VPS13B: variants seen among roughly 807,000 people sequenced by gnomAD.
The protein encoded by VPS13B is intermembrane lipid transfer protein VPS13B.
VPS13B carries 285 observed loss-of-function variants against 426.4 expected under a neutral mutation model. The ratio of observed to expected loss-of-function variants is 0.67; its 90% CI spans 0.61 to 0.74. VPS13B has a LOEUF of 0.74. VPS13B is among the 30% of genes least tolerant of loss of function. The pLI, the probability that VPS13B is intolerant of heterozygous loss-of-function variation, is 0.00. For missense variants in VPS13B, 4,537 were observed against 4,782.6 expected, an observed-to-expected ratio of 0.95 and a Z score of 1.51; for synonymous variants, 1,676 against 1,676.4, an observed-to-expected ratio of 1.00 and a Z score of 0.01.
chr8:99,475,821 G>T (rs1819660876), intron 24 of VPS13B, among the ~76,000 whole-genome samples: 1 of 152,148 alleles, frequency 6.6e-6, no homozygotes, highest in African/African-American at 2.4e-5. Context: ...TTCTCCTGAT[G>T]CCAAGAACCT....
At chr8:99,319,669 A>G (rs1165647685) in intron 19 of VPS13B, among the ~76,000 whole-genome samples, 2 of 152,286 alleles carry the variant, frequency 1.3e-5, no homozygotes, top group Middle Eastern at 3.4e-3. Context: ...TGCAACTTTC[A>G]TATAGAATTG....
intron 39 of VPS13B, among the ~76,000 whole-genome samples, chr8:99,756,050 A>G (rs1317960131): frequency 6.6e-6 from 1 of 152,130 alleles, no homozygotes; most frequent in Non-Finnish European, 1.5e-5. Flanking sequence ...ACTTGAAATC[A>G]CCTGTTTTAA....
At chr8:99,563,430 C>A (rs917905206) in intron 31 of VPS13B, among the ~76,000 whole-genome samples, 4 of 152,088 alleles carry the variant, frequency 2.6e-5, no homozygotes, top group Non-Finnish European at 4.4e-5. Context: ...ATTCCATATA[C>A]ATAGGAGATC....
intron 2 of VPS13B, among the ~76,000 whole-genome samples, chr8:99,027,629 C>G (rs1249499336): frequency 6.6e-6 from 1 of 152,002 alleles, no homozygotes; most frequent in Non-Finnish European, 1.5e-5. Flanking sequence ...ATATGGTAAT[C>G]TTGGCTCACA....
chr8:99,510,113 G>A (rs183757947), intron 28 of VPS13B, among the ~76,000 whole-genome samples: 19 of 152,232 alleles, frequency 1.2e-4, no homozygotes, highest in African/African-American at 3.1e-4. Flanking sequence ...TAAAAAATGC[G>A]TTAGCTATTG....
At chr8:99,090,938 T>C (rs1433185990) in intron 3 of VPS13B, among the ~76,000 whole-genome samples, 1 of 151,978 alleles carries the variant, frequency 6.6e-6, no homozygotes, top group Non-Finnish European at 1.5e-5. Context: ...AATTCTGTGG[T>C]TTAAAAAAAG....
rs1192751134 is a variant in VPS13B at position 99,147,928 on chromosome 8, C to T, written c.1931C>T (p.Thr644Ile). 4 of 1,613,648 alleles carry T rather than the reference C, an allele frequency of 2.5e-6. No individual in the cohort carries two copies. Among genetic ancestry groups the T allele is most frequent in the Non-Finnish European group, 3.4e-6 (4 of 1,179,842 alleles). ...ATTCCTACTCGACATACAAGTGTTA[C>T]TCTCCTCAAATGTACCTGCACAATT... Reference protein sequence around the residue: ...EYIPTRHTSVTLLKCTCTISM... With the variant: ...EYIPTRHTSVILLKCTCTISM... Residue 644 changes from threonine to isoleucine, a missense_variant, in exon 14 of 62, where the codon ACT (threonine) becomes ATT (isoleucine). Around this residue, in one of 2 missense-constraint regions of VPS13B, gnomAD observed 4,311 missense variants for 4,474.3 expected, o/e 0.96. Transcript: ENST00000357162.
chr8:99,599,784 A>G (rs966329350), intron 33 of VPS13B, among the ~76,000 whole-genome samples: 1 of 152,134 alleles, frequency 6.6e-6, no homozygotes, highest in Non-Finnish European at 1.5e-5. Flanking sequence ...AAAAATAAAC[A>G]CCATGGCTTA....
intron 17 of VPS13B, among the ~76,000 whole-genome samples, chr8:99,225,475 A>G (rs934410804): frequency 6.6e-5 from 10 of 152,002 alleles, no homozygotes; most frequent in Non-Finnish European, 1.5e-5. Flanking sequence ...ATGGGGTTTC[A>G]CCGTGTTAGC....
chr8:99,858,214 C>A (rs1206979533), intron 56 of VPS13B, among the ~76,000 whole-genome samples: 1 of 152,226 alleles, frequency 6.6e-6, no homozygotes. Flanking sequence ...TCTTTTCAGA[C>A]TCCTCCTCTC....
intron 19 of VPS13B, among the ~76,000 whole-genome samples, chr8:99,314,328 T>C (rs1821188590): frequency 6.6e-6 from 1 of 152,120 alleles, no homozygotes; most frequent in African/African-American, 2.4e-5. Context: ...AGACTTGTTT[T>C]GTGTCATAAC....
At chr8:99,753,015 C>G (rs1463717934) in intron 39 of VPS13B, among the ~76,000 whole-genome samples, 1 of 152,080 alleles carries the variant, frequency 6.6e-6, no homozygotes, top group Admixed American at 6.6e-5. Context: ...GGCTTTGCAA[C>G]TAATTATCAT....
intron 39 of VPS13B, among the ~76,000 whole-genome samples, chr8:99,729,904 AGC>A (rs1833519722): frequency 1.3e-5 from 2 of 152,254 alleles, no homozygotes; most frequent in Non-Finnish European, 2.9e-5. Flanking sequence ...TGACTTTACA[AGC>A]TTCCCGTAAT....
intron 5 of VPS13B, among the ~76,000 whole-genome samples, chr8:99,103,586 C>T: frequency 6.6e-6 from 1 of 150,920 alleles, no homozygotes; most frequent in Non-Finnish European, 1.5e-5. Context: ...GCAAGTTCCA[C>T]CTCCCCGGGT....
At chr8:99,554,889 C>T (rs1824474065) in intron 30 of VPS13B, among the ~76,000 whole-genome samples, 2 of 152,068 alleles carry the variant, frequency 1.3e-5, no homozygotes, top group African/African-American at 2.4e-5. Flanking sequence ...CTTATGAGCC[C>T]TATTTCTCAT....
At chr8:99,201,890 A>G (rs1207505126) in intron 17 of VPS13B, among the ~76,000 whole-genome samples, 2 of 152,208 alleles carry the variant, frequency 1.3e-5, no homozygotes, top group African/African-American at 4.8e-5. Context: ...ATATGACTAA[A>G]TAAAGGTCAG....
chr8:99,816,167 A>G (rs1461253407), intron 44 of VPS13B, among the ~76,000 whole-genome samples: 1 of 147,302 alleles, frequency 6.8e-6, no homozygotes, highest in African/African-American at 2.5e-5. Context: ...CAATGGTGTG[A>G]TCTCGGCTCA....
intron 17 of VPS13B, among the ~76,000 whole-genome samples, chr8:99,269,615 G>T (rs1382078377): frequency 6.6e-6 from 1 of 152,196 alleles, no homozygotes; most frequent in Non-Finnish European, 1.5e-5. Context: ...ACAAGGTAAA[G>T]AATGCTGCCT....
At chr8:99,183,376 T>C (rs1035540153) in intron 16 of VPS13B, among the ~76,000 whole-genome samples, 1 of 152,198 alleles carries the variant, frequency 6.6e-6, no homozygotes, top group Non-Finnish European at 1.5e-5. Flanking sequence ...CTCTGGAGAT[T>C]AATATGTAAA....
Sources: allele counts gnomAD v4.1 joint callset (sites outside exome capture counted in the v4.1 genomes callset), GRCh38; gene constraint gnomAD v4.1.1; regional missense constraint gnomAD v4.1.1; transcripts MANE v1.5; gene names NCBI Gene and HGNC (gene_info 2026-07-23, HGNC 2026-07-21).